FDXR: variants seen among roughly 807,000 people sequenced by gnomAD.
FDXR encodes the protein NADPH:adrenodoxin oxidoreductase, mitochondrial.
FDXR carries 38 observed loss-of-function variants against 58.3 expected under a neutral mutation model. That is an observed-to-expected ratio of 0.65 (90% CI 0.50 to 0.85). The LOEUF (loss-of-function observed/expected upper bound fraction) is 0.85. FDXR is among the 40% of genes least tolerant of loss of function. The probability of loss-of-function intolerance (pLI) is 0.00; values close to 1 mark genes in which losing one functional copy is unlikely to be tolerated. For missense variants in FDXR, 624 were observed against 671.0 expected (o/e 0.93, Z 0.77); for synonymous variants, 275 against 273.8 (o/e 1.00, Z -0.04).
intron 5 of FDXR, 65 bp from the exon 6 acceptor site, chr17:74,865,885 G>T: frequency 7.8e-7 from 1 of 1,286,800 alleles, no homozygotes. Context: ...TCAGTCTGCA[G>T]GTGCCTCATG....
intron 1 of FDXR, 94 bp from the exon 2 acceptor site, chr17:74,872,227 C>A: frequency 6.5e-7 from 1 of 1,549,072 alleles, no homozygotes. Flanking sequence ...TGGAACTTCC[C>A]AAGCTTCACC....
In FDXR at chr17:74,862,890, C is replaced by T. The variant is rs750134403; in HGVS notation, c.1403G>A (p.Arg468Gln). 18 of 1,613,178 alleles carry T rather than the reference C, an allele frequency of 1.1e-5. No individual in the cohort carries two copies. Among genetic ancestry groups the T allele is most frequent in the Admixed American group, 1.7e-5 (1 of 60,030 alleles). The change falls in exon 12 of 12, where the codon CGG becomes CAG. Residue 468 changes from arginine to glutamine, a missense_variant. By Grantham distance (43) the Arg-to-Gln change is conservative. Transcript: ENST00000293195. ...WEKLDAEEVA[R>Q]GQGTGKPREK... The stretch of plus-strand genomic sequence containing the variant: ...CCTGGGCTTCCCCGTGCCCTGGCCC[C>T]GGGCCACCTCCTCGGCATCCAGCTT...
chr17:74,871,660 G>A (rs373000057), intron 2 of FDXR, among the ~76,000 whole-genome samples: 2 of 152,196 alleles, frequency 1.3e-5, no homozygotes, highest in Admixed American at 6.5e-5. Context: ...AAGCGGAGGA[G>A]GTGGGTAGCC....
chr17:74,867,739 C>T (rs1031369668), intron 2 of FDXR, among the ~76,000 whole-genome samples: 2 of 152,134 alleles, frequency 1.3e-5, no homozygotes, highest in Non-Finnish European at 2.9e-5. Flanking sequence ...GGCACAGGGT[C>T]GGGGGTCCAG....
chr17:74,872,546 C>T (rs894695461), intron 1 of FDXR: 18 of 624,006 alleles, frequency 2.9e-5, no homozygotes, highest in Non-Finnish European at 4.4e-5. Context: ...CGTCTTATTC[C>T]TACAGATCCC....
intron 10 of FDXR, 63 bp downstream of exon 10, chr17:74,863,833 G>A (rs1247153017): frequency 4.5e-6 from 7 of 1,555,136 alleles, no homozygotes; most frequent in Non-Finnish European, 6.1e-6. Flanking sequence ...CATGGCCCCA[G>A]GAGATACCAG....
intron 2 of FDXR, 65 bp from the exon 3 acceptor site, chr17:74,866,941 T>C (rs772388147): frequency 6.3e-7 from 1 of 1,574,804 alleles, no homozygotes; most frequent in East Asian, 2.4e-5. Flanking sequence ...CCCCAGGTCC[T>C]CCCCTTCCCC....
chr17:74,865,886 G>T, intron 5 of FDXR, 66 bp from the exon 6 acceptor site: 2 of 1,287,430 alleles, frequency 1.6e-6, no homozygotes, highest in Middle Eastern at 1.8e-4. Flanking sequence ...CAGTCTGCAG[G>T]TGCCTCATGC....
chr17:74,864,191 C>A lies in FDXR; in HGVS notation c.959G>T (p.Gly320Val). 6.2e-7 allele frequency: 1 copy of A among 1,612,698 alleles called. No individual in the cohort carries two copies. The highest frequency in any genetic ancestry group is 8.5e-7 in the Non-Finnish European group (1 of 1,179,978). The change falls in exon 9 of 12, where the codon GGG (glycine) becomes GTG (valine). Residue 320 changes from glycine (G) to valine (V), a missense_variant. Transcript: ENST00000293195. ...SPQQVLPSPD[G>V]RRAAGVRLAV... ...TAGGCGGACACCTGCTGCCCGCCGCCCATCTGGTGAGGGCAGCACCTGCTG... is the reference window on the plus strand; with the variant it reads ...TAGGCGGACACCTGCTGCCCGCCGCACATCTGGTGAGGGCAGCACCTGCTG...
At position 74,863,218 on chromosome 17, in the gene FDXR, T is replaced by C. The variant is rs1172637470; in HGVS notation, c.1203A>G (p.Arg401=). The C allele has an allele frequency of 6.2e-7, 1 of 1,613,354 alleles. No homozygotes were observed. The change falls in exon 11 of 12, where the codon AGA becomes AGG. Residue 401 remains arginine (R), a synonymous_variant. Coordinates refer to ENST00000293195, the MANE Select transcript of FDXR (RefSeq NM_024417.5). ...TTGTGGCTATGACACCTGTAGGTCC[T>C]CTCTTCACCCAGCCGCTGCAGTAGA... is the stretch of plus-strand genomic sequence containing the variant. ...PGLYCSGWVK[R]GPTGVIATTM... is the part of the protein sequence containing the mutation.
rs893285998 is a variant in FDXR at position 74,866,564 on chromosome 17, A to T, written c.275T>A (p.Val92Asp). The change falls in exon 4 of 12, where the codon GTC (valine) becomes GAC (aspartate). Residue 92 changes from valine (V) to aspartate (D), a missense_variant. By Grantham distance (152) the Val-to-Asp change is radical. Coordinates refer to ENST00000293195, the MANE Select transcript of FDXR (RefSeq NM_024417.5). ...VAPDHPEVKN[V>D]INTFTQTAHS... ...GGCCGTCTGGGTAAATGTGTTGATG[A>T]CATTCTGCCAGGTCCCCCGGGAATG... 1.9e-6 allele frequency: 3 copies of T among 1,613,472 alleles called. No homozygotes were observed. The Admixed American group carries it at 5.0e-5, about 27-fold the overall frequency.
At position 74,872,976 on chromosome 17, in the gene FDXR, T is replaced by C. The variant is rs761740370; in HGVS notation, c.-32A>G. 6.5e-7 allele frequency: 1 copy of C among 1,540,520 alleles called. No homozygotes were observed. The highest frequency in any genetic ancestry group is 1.2e-5 in the South Asian group (1 of 83,800). Reference sequence around the variant, plus strand: ...GAGCAGCAACCTGCAAGTGGATCTGTTCCTAGCTACTGCTCCGCAGGGCAA... The same window carrying C: ...GAGCAGCAACCTGCAAGTGGATCTGCTCCTAGCTACTGCTCCGCAGGGCAA... On this transcript the variant is annotated 5_prime_UTR_variant, in exon 1 of 12. Coordinates refer to ENST00000293195, the MANE Select transcript of FDXR (RefSeq NM_024417.5).
In FDXR at chr17:74,865,044, G is replaced by A. The variant is rs555332221; in HGVS notation, c.610-113C>T. 4.9e-5 allele frequency: 72 copies of A among 1,478,122 alleles called. 1 individual carries two copies. Among genetic ancestry groups the A allele is most frequent in the African/African-American group, 6.9e-5 (5 of 72,238 alleles). 91.6% of individuals were successfully genotyped at this position (1,478,122 alleles called of 1,614,324 possible). Reference sequence around the variant, plus strand: ...GAGAAGGCTGGCGGCTCAAAATTGCGCCACTGCTCCCCCCTGGTGGCCAGA... The same window carrying A: ...GAGAAGGCTGGCGGCTCAAAATTGCACCACTGCTCCCCCCTGGTGGCCAGA... On this transcript the variant is annotated intron_variant, in intron 6 of 11. Transcript: ENST00000293195.
rs1688149 is a variant in FDXR, at chr17:74,866,908, C to T, written c.178-32G>A. ...GGGAACAGGGTGGCAGCTGGTGGGG[C>T]CGAGAGAGAGAGGCTGGGACGCCCC... On this transcript the variant is annotated intron_variant, in intron 2 of 11. Transcript: ENST00000293195. The T allele has an allele frequency of 0.79, 1,274,766 of 1,606,128 alleles. 508,827 individuals are homozygous for T. The highest frequency in any genetic ancestry group is 0.94 in the African/African-American group (70,648 of 74,926).
rs1355341975 is a variant in FDXR at position 74,866,832 on chromosome 17, G to A, written c.222C>T (p.Pro74=). The part of the protein sequence containing the change: ...HVDIYEKQPV[P]FGLVRFGVAP... ...CCACACCAAAGCGCACCAGGCCAAA[G>A]GGCACAGGCTGTTTCTCGTAGATGT... is the stretch of plus-strand genomic sequence containing the variant. The change falls in exon 3 of 12, where the codon CCC becomes CCT. Residue 74 remains proline, a synonymous_variant. Transcript: ENST00000293195. 2 of 1,614,216 alleles carry A rather than the reference G, an allele frequency of 1.2e-6. No homozygotes were observed. The highest frequency in any genetic ancestry group is 8.5e-7 in the Non-Finnish European group (1 of 1,180,038).
intron 7 of FDXR, 93 bp from the exon 8 acceptor site, chr17:74,864,657 C>G: frequency 7.1e-7 from 1 of 1,404,220 alleles, no homozygotes; most frequent in East Asian, 2.4e-5. Context: ...GCAGGAGAGA[C>G]CACCACCCGC....
intron 2 of FDXR, 53 bp downstream of exon 2, chr17:74,871,983 G>A: frequency 1.4e-6 from 2 of 1,398,618 alleles, no homozygotes; most frequent in South Asian, 1.4e-5. Flanking sequence ...GGTGAGGCTT[G>A]CCCTTAGGAC....
chr17:74,872,249 C>T, intron 1 of FDXR, 116 bp from the exon 2 acceptor site: 1 of 1,542,210 alleles, frequency 6.5e-7, no homozygotes, highest in Non-Finnish European at 8.7e-7. Context: ...TCACCTGCAT[C>T]CTCCTTCTCT....
Position 74,866,553 on chromosome 17 carries a change from ATG to A in FDXR, c.284_285del (p.Thr95IlefsTer51), listed in dbSNP as rs778001476. 1 of 1,613,536 alleles carries A rather than the reference ATG, an allele frequency of 6.2e-7. No individual in the cohort carries two copies. The highest frequency in any genetic ancestry group is 1.3e-5 in the African/African-American group (1 of 75,034). ...DHPEVKNVINTFTQTAHSGRC... is the reference protein window; with the variant it reads ...DHPEVKNVINXFTQTAHSGRC... Reference sequence around the variant, plus strand: ...CGGCCAGAATGGGCCGTCTGGGTAAATGTGTTGATGACATTCTGCCAGGTCCC... The same window carrying A: ...CGGCCAGAATGGGCCGTCTGGGTAAATGTTGATGACATTCTGCCAGGTCCC... On this transcript the variant is annotated frameshift_variant, in exon 4 of 12. Transcript: ENST00000293195. LOFTEE classifies it high-confidence loss of function.
Sources: gnomAD v4.1 joint callset for allele counts (sites outside exome capture counted in the v4.1 genomes callset) on GRCh38, gnomAD v4.1.1 for gene constraint, MANE v1.5 for transcripts, NCBI Gene and HGNC (gene_info 2026-07-23, HGNC 2026-07-21) for gene names.